CNTN4: variants seen among roughly 807,000 people sequenced by gnomAD.
The protein encoded by CNTN4 is contactin 4.
CNTN4 carries 77 observed loss-of-function variants against 122.5 expected under a neutral mutation model. That is an observed-to-expected ratio of 0.63 (90% CI 0.52 to 0.76). The LOEUF (loss-of-function observed/expected upper bound fraction) is 0.76, where lower values mean the gene tolerates loss of function less well. Ranked by LOEUF, CNTN4 falls within the 30% of genes least tolerant of loss-of-function variation. The probability of loss-of-function intolerance (pLI) is 0.00; values close to 1 mark genes in which losing one functional copy is unlikely to be tolerated. For synonymous variants in CNTN4, 512 were observed against 447.0 expected (o/e 1.15, Z -1.83); for missense variants, 1,256 against 1,259.1 (o/e 1.00, Z 0.04).
intron 2 of CNTN4, among the ~76,000 whole-genome samples, chr3:2,333,584 T>A (rs892595286): frequency 6.6e-6 from 1 of 152,218 alleles, no homozygotes; most frequent in South Asian, 2.1e-4. Flanking sequence ...TGTATCATCT[T>A]GTATTTTGTT....
intron 2 of CNTN4, among the ~76,000 whole-genome samples, chr3:2,202,971 G>A (rs906472535): frequency 2.7e-5 from 4 of 150,604 alleles, no homozygotes; most frequent in African/African-American, 9.7e-5. Context: ...ACAGGTGCAT[G>A]CCACCAAGCC....
At chr3:2,276,632 T>C (rs9845367) in intron 2 of CNTN4, among the ~76,000 whole-genome samples, 4,053 of 152,272 alleles carry the variant, frequency 0.027, 198 homozygotes, top group African/African-American at 0.094. Flanking sequence ...ACTAACACAC[T>C]GGTTACTTTC....
chr3:2,192,677 C>G (rs77760872), intron 2 of CNTN4, among the ~76,000 whole-genome samples: 120 of 152,292 alleles, frequency 7.9e-4, no homozygotes, highest in African/African-American at 2.9e-3. Flanking sequence ...AATTCTACTT[C>G]TTGTGAGAGC....
At chr3:2,848,878 A>G (rs1410777932) in intron 7 of CNTN4, among the ~76,000 whole-genome samples, 1 of 152,108 alleles carries the variant, frequency 6.6e-6, no homozygotes, top group East Asian at 1.9e-4. Context: ...CAGACGACAT[A>G]GGTCTATTCC....
intron 6 of CNTN4, among the ~76,000 whole-genome samples, chr3:2,786,320 C>T (rs1307666842): frequency 6.6e-6 from 1 of 152,178 alleles, no homozygotes; most frequent in African/African-American, 2.4e-5. Context: ...TAAAAGAGCA[C>T]ACTGTAACAC....
At chr3:2,397,950 G>C (rs541547214) in intron 3 of CNTN4, among the ~76,000 whole-genome samples, 1 of 152,114 alleles carries the variant, frequency 6.6e-6, no homozygotes, top group Non-Finnish European at 1.5e-5. Context: ...AATGAAGAGT[G>C]TATTCATTCT....
chr3:2,996,004 A>T (rs1695499877), intron 14 of CNTN4, among the ~76,000 whole-genome samples: 1 of 152,202 alleles, frequency 6.6e-6, no homozygotes, highest in Admixed American at 6.6e-5. Flanking sequence ...CATTTTATTT[A>T]ATATATTGTA....
At chr3:2,949,092 G>A (rs780619661) in intron 13 of CNTN4, among the ~76,000 whole-genome samples, 9 of 151,942 alleles carry the variant, frequency 5.9e-5, no homozygotes, top group African/African-American at 2.4e-5. Context: ...CAATCACACC[G>A]GCTTTGCAGA....
At chr3:2,534,776 A>G (rs955411117) in intron 3 of CNTN4, among the ~76,000 whole-genome samples, 2 of 139,720 alleles carry the variant, frequency 1.4e-5, no homozygotes, top group Admixed American at 7.3e-5. Flanking sequence ...AAAAGCTGCC[A>G]TTTTACTCTT....
chr3:2,688,129 G>T (rs1199890569), intron 4 of CNTN4, among the ~76,000 whole-genome samples: 5 of 152,136 alleles, frequency 3.3e-5, no homozygotes, highest in Non-Finnish European at 5.9e-5. Context: ...ATTAAAATAT[G>T]AAAATACAGT....
At chr3:2,576,934 C>T (rs2079716569) in intron 4 of CNTN4, among the ~76,000 whole-genome samples, 1 of 152,182 alleles carries the variant, frequency 6.6e-6, no homozygotes, top group African/African-American at 2.4e-5. Flanking sequence ...TTATCTGAGT[C>T]ACAAGCAAGG....
intron 2 of CNTN4, among the ~76,000 whole-genome samples, chr3:2,181,415 G>C (rs565592042): frequency 6.6e-6 from 1 of 152,026 alleles, no homozygotes; most frequent in South Asian, 2.1e-4. Context: ...ACATTTAGTA[G>C]AACGTATCAA....
chr3:2,675,292 CT>C (rs1167541056), intron 4 of CNTN4, among the ~76,000 whole-genome samples: 2 of 152,092 alleles, frequency 1.3e-5, no homozygotes, highest in Non-Finnish European at 2.9e-5. Flanking sequence ...CATGCCAAGC[CT>C]TTTCAGGCTC....
rs1478826112 is a variant in CNTN4 at position 3,053,975 on chromosome 3, A to G, written c.2980A>G (p.Asn994Asp). The G allele has an allele frequency of 6.2e-7, 1 of 1,614,182 alleles. No homozygotes were observed. Among genetic ancestry groups the G allele is most frequent in the Admixed American group, 1.7e-5 (1 of 60,030 alleles). The stretch of plus-strand genomic sequence containing the variant: ...ACAAATTCGAATTCCAAAGATATCA[A>G]GTGAGAATGCCTTTTTTTCTCCCTT... Reference protein sequence around the residue: ...SEQIRIPKISNAYARGSGAST... With the variant: ...SEQIRIPKISDAYARGSGAST... Residue 994 changes from asparagine to aspartate, a missense_variant and splice_region_variant, in exon 24 of 25, where the codon AAT (asparagine) becomes GAT (aspartate). Physicochemically the swap from Asn to Asp is conservative, Grantham distance 23 (BLOSUM62 1). Transcript: ENST00000418658.
intron 10 of CNTN4, among the ~76,000 whole-genome samples, chr3:2,895,711 A>G (rs1029577957): frequency 2.6e-5 from 4 of 152,194 alleles, no homozygotes; most frequent in Non-Finnish European, 5.9e-5. Context: ...TTAAGAGACA[A>G]TCTAAAGGCT....
intron 14 of CNTN4, among the ~76,000 whole-genome samples, chr3:3,005,113 A>C (rs552566253): frequency 6.6e-6 from 1 of 152,218 alleles, no homozygotes; most frequent in Admixed American, 6.5e-5. Context: ...AGTTCTTCCC[A>C]TCTTCTTCCT....
At chr3:2,710,573 T>C (rs1020915865) in intron 4 of CNTN4, among the ~76,000 whole-genome samples, 3 of 152,188 alleles carry the variant, frequency 2.0e-5, no homozygotes, top group Admixed American at 6.5e-5. Context: ...AAGGTGTCAA[T>C]TGCATTTTTT....
chr3:2,592,766 C>T lies in CNTN4; in HGVS notation c.55+21208C>T, dbSNP rs552906070. Among the ~76,000 whole-genome samples, 7 of 152,290 alleles carry T rather than the reference C, an allele frequency of 4.6e-5. No homozygotes were observed. In the East Asian group the frequency reaches 1.4e-3, roughly 29 times the overall value. On this transcript the variant is annotated intron_variant, in intron 4 of 24. Transcript: ENST00000418658. ...TCAGCAGTGTGAAAACTGACAAATA[C>T]AGTTAGTTTAACCACTCTCTGGAGT...
At chr3:2,863,438 TTTC>T (rs1395103961) in intron 7 of CNTN4, among the ~76,000 whole-genome samples, 172 of 121,914 alleles carry the variant, frequency 1.4e-3, no homozygotes, top group East Asian at 6.3e-3. Context: ...GCATCTATGG[TTTC>T]TTCTTTTTTT....
Sources: allele counts gnomAD v4.1 joint callset (sites outside exome capture counted in the v4.1 genomes callset), GRCh38; gene constraint gnomAD v4.1.1; transcripts MANE v1.5; gene names NCBI Gene and HGNC (gene_info 2026-07-23, HGNC 2026-07-21).